PIEZO1: variants seen among roughly 807,000 people sequenced by gnomAD.
PIEZO1 encodes the protein piezo type mechanosensitive ion channel component 1 (Er blood group), also known as piezo-type mechanosensitive ion channel component 1.
A neutral mutation model predicts 297.2 loss-of-function variants in PIEZO1; 296 were observed. The ratio of observed to expected loss-of-function variants is 1.00; its 90% CI spans 0.91 to 1.10. The LOEUF (loss-of-function observed/expected upper bound fraction) is 1.10, where lower values mean the gene tolerates loss of function less well. Ranked by LOEUF, PIEZO1 falls within the 50% of genes least tolerant of loss-of-function variation. PIEZO1 has a pLI of 0.00. For synonymous variants in PIEZO1, 2,427 were observed against 1,507.5 expected (o/e 1.61, Z -14.13); for missense variants, 5,018 against 3,455.5 (o/e 1.45, Z -11.34).
At chr16:88,735,363 C>A in intron 12 of PIEZO1, 117 bp from the exon 13 acceptor site, 1 of 713,096 alleles carries the variant, frequency 1.4e-6, no homozygotes, top group Non-Finnish European at 2.5e-6. Context: ...CTGGCACCAG[C>A]CCATCCACCG....
intron 10 of PIEZO1, 38 bp downstream of exon 10, chr16:88,737,521 C>A: frequency 7.0e-7 from 1 of 1,429,996 alleles, no homozygotes. Flanking sequence ...CGCCCCGCCC[C>A]CCGCACCCAG....
intron 27 of PIEZO1, 21 bp downstream of exon 27, chr16:88,726,263 T>TGTGTCTGG (rs1435853347): frequency 6.5e-7 from 1 of 1,537,824 alleles, no homozygotes; most frequent in Non-Finnish European, 8.8e-7. Context: ...AGCTCTGGGC[T>TGTGTCTGG]GTGTCTGGGC....
chr16:88,735,797 C>T (rs901820114), intron 12 of PIEZO1, among the ~76,000 whole-genome samples: 2 of 151,912 alleles, frequency 1.3e-5, no homozygotes, highest in African/African-American at 4.8e-5. Context: ...AGCCCACGCT[C>T]ACACACACTG....
rs369279313 is a variant in PIEZO1, at chr16:88,721,883, G to C, written c.5139C>G (p.Leu1713=). ...TCGACAGCATGGCCCACAGGAAGAC[G>C]AGCACGGGCAGCACCAGCGAGCCGG... is the stretch of plus-strand genomic sequence containing the variant. The part of the protein sequence containing the change: ...ASAGSLVLPV[L]VFLWAMLSIP... Residue 1713 remains leucine, a synonymous_variant, in exon 37 of 51, where the codon CTC becomes CTG. Transcript: ENST00000301015. 7.1e-6 allele frequency: 11 copies of C among 1,549,922 alleles called. No individual in the cohort carries two copies. The highest frequency in any genetic ancestry group is 1.7e-4 in the Middle Eastern group (1 of 6,014).
At chr16:88,715,883 C>T in intron 50 of PIEZO1, 29 bp from the exon 51 acceptor site, 1 of 1,545,724 alleles carries the variant, frequency 6.5e-7, no homozygotes, top group Non-Finnish European at 8.7e-7. Context: ...AGTCCTGGGG[C>T]CGCCCGGAGC....
At chr16:88,732,239 A>AG in intron 21 of PIEZO1, 96 bp downstream of exon 21, 1 of 1,103,618 alleles carries the variant, frequency 9.1e-7, no homozygotes, top group Non-Finnish European at 1.3e-6. Flanking sequence ...AGGCAAACCC[A>AG]GGTGGGGCCA....
intron 1 of PIEZO1, among the ~76,000 whole-genome samples, chr16:88,768,552 G>C (rs923630320): frequency 6.6e-6 from 1 of 152,236 alleles, no homozygotes; most frequent in Non-Finnish European, 1.5e-5. Flanking sequence ...GCGAGCAGCC[G>C]AACTCCCGGG....
In PIEZO1 at chr16:88,737,585, C is replaced by T. The variant is rs1449948200; in HGVS notation, c.1169G>A (p.Gly390Asp). 2.0e-6 allele frequency: 3 copies of T among 1,533,698 alleles called. No individual in the cohort carries two copies. In the Admixed American group the frequency reaches 5.9e-5, roughly 30 times the overall value. ...AGGCCGCCGCAGGACGGAGCTCTGGCCGGTCAGCTCGTGCACGATGCAGTT... is the reference window on the plus strand; with the variant it reads ...AGGCCGCCGCAGGACGGAGCTCTGGTCGGTCAGCTCGTGCACGATGCAGTT... Reference protein sequence around the residue: ...ADNCIVHELTGQSSVLRRPVR... With the variant: ...ADNCIVHELTDQSSVLRRPVR... Residue 390 changes from glycine to aspartate, a missense_variant, in exon 10 of 51, where the codon GGC becomes GAC. Transcript: ENST00000301015.
chr16:88,772,846 G>A (rs1907487696), intron 1 of PIEZO1, among the ~76,000 whole-genome samples: 1 of 151,780 alleles, frequency 6.6e-6, no homozygotes, highest in Admixed American at 6.6e-5. Context: ...CGCAGCCCTG[G>A]CTCAGTCTTC....
chr16:88,737,855 C>T, intron 8 of PIEZO1, 41 bp from the exon 9 acceptor site: 4 of 1,533,388 alleles, frequency 2.6e-6, no homozygotes, highest in Non-Finnish European at 3.5e-6. Context: ...AGCTCCACAC[C>T]CCACCCAGAG....
chr16:88,763,792 G>A (rs547171711), intron 1 of PIEZO1, among the ~76,000 whole-genome samples: 1 of 152,190 alleles, frequency 6.6e-6, no homozygotes. Flanking sequence ...CTGTGACCTG[G>A]AGCTGGCCCC....
At chr16:88,718,740 ACT>A (rs1263614941) in intron 44 of PIEZO1, 1 of 152,248 alleles carries the variant, frequency 6.6e-6, no homozygotes, top group Non-Finnish European at 1.5e-5. Flanking sequence ...ACAGGGTCTC[ACT>A]CTGTTGCCCA....
In PIEZO1 at chr16:88,716,682, G is replaced by A. The variant is rs777875339; in HGVS notation, c.6803C>T (p.Ala2268Val). 67 of 1,548,848 alleles carry A rather than the reference G, an allele frequency of 4.3e-5. No individual in the cohort carries two copies. The highest frequency in any genetic ancestry group is 1.7e-4 in the Middle Eastern group (1 of 6,014). ...SQYSPEDIVT[A>V]QIEGSSGALW... The stretch of plus-strand genomic sequence containing the variant: ...CGCCCCGGAGCTGCCCTCAATCTGC[G>A]CCGTGACGATGTCCTCAGGGCTGTA... The change falls in exon 47 of 51, where the codon GCG becomes GTG. Residue 2268 changes from alanine (A) to valine (V), a missense_variant. Coordinates refer to ENST00000301015, the MANE Select transcript of PIEZO1 (RefSeq NM_001142864.4).
In PIEZO1 at chr16:88,722,340, CAG is replaced by C. The variant is rs1392813217; in HGVS notation, c.4831_4832del (p.Leu1611GlufsTer11). 4 of 1,540,150 alleles carry C rather than the reference CAG, an allele frequency of 2.6e-6. No homozygotes were observed. Among genetic ancestry groups the C allele is most frequent in the Non-Finnish European group, 3.5e-6 (4 of 1,142,484 alleles). ...CACTGCGCGTGTGGTAGCCGGTGCT[CAG>C]GGGGCTGCCCATGTCGTCTGTCATG... is the stretch of plus-strand genomic sequence containing the variant. ...SSMTDDMGSP[L>X]STGYHTRSGS... On this transcript the variant is annotated frameshift_variant, in exon 36 of 51. Transcript: ENST00000301015. LOFTEE classifies it high-confidence loss of function.
At chr16:88,747,155 C>T (rs929446442) in intron 2 of PIEZO1, among the ~76,000 whole-genome samples, 12 of 151,632 alleles carry the variant, frequency 7.9e-5, no homozygotes, top group African/African-American at 2.9e-4. Flanking sequence ...CGCTTGAGCC[C>T]AGGAGGTGGA....
Position 88,735,249 on chromosome 16 carries a change from G to A in PIEZO1, c.1558-3C>T, listed in dbSNP as rs929222966. ...CAGAAGGTCAGGGTGTAGAGCAACT[G>A]TGACAAGCGCAGGGTGTCACAGTCA... On this transcript the variant is annotated splice_polypyrimidine_tract_variant and splice_region_variant and intron_variant, in intron 12 of 50. Transcript: ENST00000301015. 16 of 1,545,778 alleles carry A rather than the reference G, an allele frequency of 1.0e-5. No individual in the cohort carries two copies. The highest frequency in any genetic ancestry group is 1.3e-5 in the Non-Finnish European group (15 of 1,142,902).
intron 44 of PIEZO1, chr16:88,719,353 G>C: frequency 1.8e-6 from 1 of 561,422 alleles, no homozygotes; most frequent in Admixed American, 3.1e-5. Context: ...CCTGGAACAG[G>C]ACCAACTCCG....
In PIEZO1 at chr16:88,749,100, C is replaced by T. The variant is rs375078940; in HGVS notation, c.160+284G>A. On this transcript the variant is annotated intron_variant, in intron 2 of 50. Transcript: ENST00000301015. ...AAAATACAAAAAAAAATAAGCCAGG[C>T]GTGGTGGCGGGCGCCTGTAGTCCCA... is the stretch of plus-strand genomic sequence containing the variant. Among the ~76,000 whole-genome samples, 297 of 151,904 alleles carry T rather than the reference C, an allele frequency of 2.0e-3. 2 individuals are homozygous for T. Among genetic ancestry groups the T allele is most frequent in the African/African-American group, 6.8e-3 (280 of 41,460 alleles).
chr16:88,764,795 G>A (rs1907096526), intron 1 of PIEZO1, among the ~76,000 whole-genome samples: 1 of 150,558 alleles, frequency 6.6e-6, no homozygotes, highest in African/African-American at 2.4e-5. Context: ...CCCCTGCCAC[G>A]GCCTGCCTTT....
Sources: gnomAD v4.1 joint callset for allele counts (sites outside exome capture counted in the v4.1 genomes callset) on GRCh38, gnomAD v4.1.1 for gene constraint, MANE v1.5 for transcripts, NCBI Gene and HGNC (gene_info 2026-07-23, HGNC 2026-07-21) for gene names.